Variants in DGLUCY observed in about 807,000 individuals in gnomAD.
DGLUCY encodes D-glutamate cyclase.
A neutral mutation model predicts 58.5 loss-of-function variants in DGLUCY; 58 were observed. The ratio of observed to expected loss-of-function variants is 0.99; its 90% CI spans 0.80 to 1.23. The LOEUF (loss-of-function observed/expected upper bound fraction) is 1.23, where lower values mean the gene tolerates loss of function less well. Ranked by LOEUF, DGLUCY falls within the 50% of genes most tolerant of loss-of-function variation. The pLI is 0.00. For synonymous variants in DGLUCY, 325 were observed against 314.1 expected (o/e 1.03, Z -0.37); for missense variants, 779 against 784.7 (o/e 0.99, Z 0.09).
chr14:91,126,534 C>G (rs2045694851), intron 1 of DGLUCY: 1 of 223,524 alleles, frequency 4.5e-6, no homozygotes, highest in Non-Finnish European at 9.5e-6. Flanking sequence ...GACCTCCCTA[C>G]AAACAAATGC....
intron 1 of DGLUCY, chr14:91,148,002 C>T (rs960491323): frequency 4.6e-5 from 7 of 152,088 alleles, no homozygotes; most frequent in African/African-American, 1.7e-4. Context: ...AGTGAAACCC[C>T]ATTTCTACTA....
chr14:91,134,499 A>G (rs2046213729), intron 1 of DGLUCY, among the ~76,000 whole-genome samples: 1 of 147,922 alleles, frequency 6.8e-6, no homozygotes, highest in East Asian at 2.0e-4. Flanking sequence ...GTGCAGTGGC[A>G]CCCTCTCAGC....
chr14:91,130,684 G>T (rs2045977540), intron 1 of DGLUCY, among the ~76,000 whole-genome samples: 1 of 151,308 alleles, frequency 6.6e-6, no homozygotes, highest in Non-Finnish European at 1.5e-5. Flanking sequence ...CAGTCGTGCA[G>T]TCACAGCTCA....
intron 1 of DGLUCY, among the ~76,000 whole-genome samples, chr14:91,079,093 G>A (rs190237533): frequency 6.6e-6 from 1 of 151,418 alleles, no homozygotes; most frequent in Non-Finnish European, 1.5e-5. Context: ...TAGTAGAGAC[G>A]GTGTTTCACC....
chr14:91,112,549 G>C (rs1307175810), upstream of DGLUCY, among the ~76,000 whole-genome samples: 1 of 151,920 alleles, frequency 6.6e-6, no homozygotes, highest in Non-Finnish European at 1.5e-5. Context: ...TGGGGTTTTT[G>C]ATTCTATAAT....
intron 1 of DGLUCY, among the ~76,000 whole-genome samples, chr14:91,137,609 A>C (rs181036758): frequency 7.8e-4 from 116 of 148,652 alleles, no homozygotes; most frequent in Non-Finnish European, 1.5e-3. Flanking sequence ...GTTGGCCAGG[A>C]TGGTCTTGAT....
chr14:91,168,215 G>A (rs898524049), intron 4 of DGLUCY, among the ~76,000 whole-genome samples: 6 of 151,934 alleles, frequency 3.9e-5, no homozygotes, highest in East Asian at 1.9e-4. Flanking sequence ...GCGGTGAGCC[G>A]AGATCATGTC....
intron 7 of DGLUCY, among the ~76,000 whole-genome samples, chr14:91,178,817 G>T (rs2049002706): frequency 6.6e-6 from 1 of 152,044 alleles, no homozygotes; most frequent in Non-Finnish European, 1.5e-5. Context: ...GATCACTTGA[G>T]GTCAGGAGTT....
At chr14:91,163,255 G>A (rs961559213) in intron 3 of DGLUCY, among the ~76,000 whole-genome samples, 28 of 151,094 alleles carry the variant, frequency 1.9e-4, no homozygotes, top group East Asian at 5.8e-4. Context: ...GTGAGACTCC[G>A]TCTCAAAAAA....
chr14:91,167,902 C>G lies in DGLUCY; in HGVS notation c.257+524C>G, dbSNP rs2048372009. On this transcript the variant is annotated intron_variant, in intron 4 of 13. Transcript: ENST00000256324. ...CTAGTCTCATCCTTTCTTCCCCAAC[C>G]CTGTCATCATCTGCTTTCCCAGCAG... 2.6e-5 allele frequency among the ~76,000 whole-genome samples: 4 copies of G among 152,146 alleles called. No individual in the cohort carries two copies. In the South Asian group the frequency reaches 8.3e-4, roughly 32 times the overall value.
chr14:91,171,690 G>A (rs1173275141), intron 5 of DGLUCY, among the ~76,000 whole-genome samples: 2 of 152,248 alleles, frequency 1.3e-5, no homozygotes, highest in African/African-American at 2.4e-5. Flanking sequence ...TATAGTCCTG[G>A]CCATGTCCTA....
chr14:91,207,161 G>GGAAAAAAAAA (rs1407060799), intron 12 of DGLUCY, among the ~76,000 whole-genome samples: 3 of 85,326 alleles, frequency 3.5e-5, no homozygotes, highest in African/African-American at 1.4e-4. Flanking sequence ...ACTGTCTCAG[G>GGAAAAAAAAA]AAAAAAAAAA....
chr14:91,175,785 C>T, intron 6 of DGLUCY, 149 bp from the exon 7 acceptor site: 1 of 830,328 alleles, frequency 1.2e-6, no homozygotes, highest in Non-Finnish European at 1.9e-6. Context: ...AGCCTTAATC[C>T]CTATTCTCCT....
Position 91,196,475 on chromosome 14 carries a change from G to A in DGLUCY, c.1295+1G>A, listed in dbSNP as rs1417566798. On this transcript the variant is annotated splice_donor_variant, in intron 10 of 13. Transcript: ENST00000256324. LOFTEE classifies it high-confidence loss of function. Reference sequence around the variant, plus strand: ...AAAATGGGGACCCGCAGACACCTAGGTACGTATGTCGCATCCCAGTTTAAG... The same window carrying A: ...AAAATGGGGACCCGCAGACACCTAGATACGTATGTCGCATCCCAGTTTAAG... 1 of 1,613,088 alleles carries A rather than the reference G, an allele frequency of 6.2e-7. No homozygotes were observed. Among genetic ancestry groups the A allele is most frequent in the Non-Finnish European group, 8.5e-7 (1 of 1,179,284 alleles).
At chr14:91,154,705 C>T (rs934710861) in intron 1 of DGLUCY, among the ~76,000 whole-genome samples, 1 of 152,146 alleles carries the variant, frequency 6.6e-6, no homozygotes, top group African/African-American at 2.4e-5. Context: ...CCCTGCGCTC[C>T]CATCTCATCT....
chr14:91,080,102 G>C (rs777255578), intron 1 of DGLUCY, among the ~76,000 whole-genome samples: 5 of 152,140 alleles, frequency 3.3e-5, no homozygotes, highest in Non-Finnish European at 7.3e-5. Context: ...ATGTTTTCAA[G>C]ATTCATCCAT....
At chr14:91,118,086 C>G (rs201463903) in intron 1 of DGLUCY, among the ~76,000 whole-genome samples, 6 of 81,364 alleles carry the variant, frequency 7.4e-5, no homozygotes, top group South Asian at 5.1e-4. Context: ...CCCCCCCCCC[C>G]CCTTTTTTTT....
intron 1 of DGLUCY, among the ~76,000 whole-genome samples, chr14:91,101,163 G>T (rs559606575): frequency 6.6e-6 from 1 of 152,118 alleles, no homozygotes; most frequent in South Asian, 2.1e-4. Flanking sequence ...AAAGATATTT[G>T]ATAGATCAGT....
intron 2 of DGLUCY, among the ~76,000 whole-genome samples, chr14:91,159,344 G>A (rs533062608): frequency 6.6e-6 from 1 of 152,070 alleles, no homozygotes; most frequent in Admixed American, 6.5e-5. Context: ...ATATTCAGGT[G>A]GCTGAGGCAT....
Sources: allele counts gnomAD v4.1 joint callset (sites outside exome capture counted in the v4.1 genomes callset), GRCh38; gene constraint gnomAD v4.1.1; transcripts MANE v1.5; gene names NCBI Gene and HGNC (gene_info 2026-07-23, HGNC 2026-07-21).